Variants in TMEM117 observed in about 807,000 individuals in gnomAD.
TMEM117 encodes transmembrane protein 117.
TMEM117 carries 27 observed loss-of-function variants against 52.4 expected under a neutral mutation model. The observed-to-expected ratio is 0.51, with a 90% confidence interval of 0.38 to 0.71. The LOEUF (loss-of-function observed/expected upper bound fraction) is 0.71, where lower values mean the gene tolerates loss of function less well. Among genes scored for constraint, TMEM117 ranks in the 30% least tolerant of loss-of-function variants. TMEM117 has a pLI of 0.00. For missense variants in TMEM117, 556 were observed against 630.5 expected, an observed-to-expected ratio of 0.88 and a Z score of 1.26; for synonymous variants, 215 against 206.3, an observed-to-expected ratio of 1.04 and a Z score of -0.36.
intron 3 of TMEM117, among the ~76,000 whole-genome samples, chr12:44,022,812 A>G (rs1322567604): frequency 2.6e-5 from 4 of 152,202 alleles, no homozygotes; most frequent in Admixed American, 2.6e-4. Context: ...CACACATATT[A>G]TACTTAAACC....
At chr12:43,982,979 A>T (rs1945785588) in intron 3 of TMEM117, among the ~76,000 whole-genome samples, 1 of 152,236 alleles carries the variant, frequency 6.6e-6, no homozygotes, top group Admixed American at 6.5e-5. Context: ...AAAGTTGAAT[A>T]AATACTATGC....
intron 5 of TMEM117, among the ~76,000 whole-genome samples, chr12:44,273,510 T>C (rs1404194469): frequency 6.6e-6 from 1 of 151,732 alleles, no homozygotes; most frequent in African/African-American, 2.4e-5. Context: ...AAGAACACAT[T>C]GTAAAAAGAA....
chr12:43,976,972 C>G (rs1945681039), intron 3 of TMEM117, among the ~76,000 whole-genome samples: 1 of 152,124 alleles, frequency 6.6e-6, no homozygotes. Context: ...TGTGCCGTTA[C>G]TAAGGAACCC....
At chr12:44,009,971 A>C (rs1048286201) in intron 3 of TMEM117, 1 of 290,018 alleles carries the variant, frequency 3.4e-6, no homozygotes, top group African/African-American at 2.3e-5. Flanking sequence ...CAGTTGCTTC[A>C]TCGTATCAGA....
At chr12:44,249,662 G>C (rs545409052) in intron 5 of TMEM117, among the ~76,000 whole-genome samples, 2 of 152,244 alleles carry the variant, frequency 1.3e-5, no homozygotes, top group Admixed American at 6.5e-5. Flanking sequence ...CAATGGAACT[G>C]AACAGAGACC....
intron 5 of TMEM117, among the ~76,000 whole-genome samples, chr12:44,214,028 C>T (rs1671676517): frequency 6.6e-6 from 1 of 150,636 alleles, no homozygotes; most frequent in Admixed American, 6.6e-5. Context: ...ATTAGCTGTT[C>T]TTAATCATGA....
intron 3 of TMEM117, among the ~76,000 whole-genome samples, chr12:44,058,970 G>A (rs553403887): frequency 7.9e-5 from 12 of 152,264 alleles, no homozygotes; most frequent in African/African-American, 2.6e-4. Context: ...GATGGGTGGA[G>A]GTGGGCATAT....
chr12:44,227,944 T>G (rs1291843645), intron 5 of TMEM117, among the ~76,000 whole-genome samples: 2 of 152,170 alleles, frequency 1.3e-5, no homozygotes, highest in Non-Finnish European at 2.9e-5. Context: ...AGAACTACTA[T>G]TTTTATAGCT....
chr12:43,835,862 A>C (rs1289825059), upstream of TMEM117: 1 of 151,494 alleles, frequency 6.6e-6, no homozygotes, highest in Admixed American at 6.6e-5. Context: ...AGGGGCGGGG[A>C]GAAGCCATGC....
At chr12:44,186,999 C>T (rs895033185) in intron 4 of TMEM117, among the ~76,000 whole-genome samples, 1 of 152,072 alleles carries the variant, frequency 6.6e-6, no homozygotes, top group Non-Finnish European at 1.5e-5. Context: ...GTGGGAGAAC[C>T]TGGGAGTATG....
At position 43,901,500 on chromosome 12, in the gene TMEM117, C is replaced by T. The variant is rs549225699; in HGVS notation, c.278-42710C>T. 1.7e-4 allele frequency among the ~76,000 whole-genome samples: 26 copies of T among 152,148 alleles called. No homozygotes were observed. In the South Asian group the frequency reaches 3.5e-3, roughly 21 times the overall value. On this transcript the variant is annotated intron_variant, in intron 2 of 7. Coordinates refer to ENST00000266534, the MANE Select transcript of TMEM117 (RefSeq NM_032256.3). ...TAATTTTTGTGTTTTTAGTAAGAGACGGGGTTTCACTATGTTGTCCAGGCT... is the reference window on the plus strand; with the variant it reads ...TAATTTTTGTGTTTTTAGTAAGAGATGGGGTTTCACTATGTTGTCCAGGCT...
At chr12:44,125,850 T>G (rs1948315629) in intron 3 of TMEM117, among the ~76,000 whole-genome samples, 1 of 152,180 alleles carries the variant, frequency 6.6e-6, no homozygotes, top group African/African-American at 2.4e-5. Context: ...ATGTGGGCAT[T>G]TAGTGCTATA....
At chr12:44,078,753 A>G (rs944927919) in intron 3 of TMEM117, among the ~76,000 whole-genome samples, 1 of 151,936 alleles carries the variant, frequency 6.6e-6, no homozygotes. Context: ...ATACATGTGA[A>G]GAATGTGCAG....
chr12:44,253,705 A>C (rs1238634249), intron 5 of TMEM117, among the ~76,000 whole-genome samples: 2 of 152,060 alleles, frequency 1.3e-5, no homozygotes. Flanking sequence ...TCCATGCTTT[A>C]CACTTAGAAA....
At chr12:43,903,547 T>C (rs1944337752) in intron 2 of TMEM117, among the ~76,000 whole-genome samples, 1 of 152,260 alleles carries the variant, frequency 6.6e-6, no homozygotes, top group Non-Finnish European at 1.5e-5. Context: ...AAATATCTAC[T>C]GAAGTTGGCA....
intron 4 of TMEM117, among the ~76,000 whole-genome samples, chr12:44,157,042 A>G (rs1948834755): frequency 6.6e-6 from 1 of 152,112 alleles, no homozygotes; most frequent in Non-Finnish European, 1.5e-5. Flanking sequence ...ATAATATTTA[A>G]GTTTTCCTCT....
At chr12:44,248,243 C>T (rs1056075451) in intron 5 of TMEM117, among the ~76,000 whole-genome samples, 1 of 152,092 alleles carries the variant, frequency 6.6e-6, no homozygotes, top group African/African-American at 2.4e-5. Flanking sequence ...TTCCATTATA[C>T]CCAGTCTTGG....
intron 3 of TMEM117, among the ~76,000 whole-genome samples, chr12:44,027,132 A>ATTTTATTTTATTTTATTTTATTTTATTT (rs1168252252): frequency 2.9e-5 from 3 of 104,100 alleles, no homozygotes; most frequent in African/African-American, 1.3e-4. Context: ...ATTTTATTTT[A>ATTTTATTTTATTTTATTTTATTTTATTT]TATTTTATTT....
At chr12:43,986,547 A>T (rs1238303511) in intron 3 of TMEM117, among the ~76,000 whole-genome samples, 2 of 152,164 alleles carry the variant, frequency 1.3e-5, no homozygotes, top group African/African-American at 4.8e-5. Flanking sequence ...ACTTCACTAC[A>T]GTACATCTAA....
Sources: gnomAD v4.1 joint callset for allele counts (sites outside exome capture counted in the v4.1 genomes callset) on GRCh38, gnomAD v4.1.1 for gene constraint, MANE v1.5 for transcripts, NCBI Gene and HGNC (gene_info 2026-07-23, HGNC 2026-07-21) for gene names.